LRRC8B: variants seen among roughly 807,000 people sequenced by gnomAD.
LRRC8B encodes the protein volume-regulated anion channel subunit LRRC8B.
A neutral mutation model predicts 58.8 loss-of-function variants in LRRC8B; 23 were observed. The observed-to-expected ratio is 0.39, with a 90% CI of 0.28 to 0.55. The LOEUF (loss-of-function observed/expected upper bound fraction) is 0.55. Among genes scored for constraint, LRRC8B ranks in the 20% least tolerant of loss-of-function variants. The pLI, the probability that LRRC8B is intolerant of heterozygous loss-of-function variation, is 0.62. For synonymous variants in LRRC8B, 359 were observed against 374.1 expected, an observed-to-expected ratio of 0.96 and a Z score of 0.47; for missense variants, 694 against 936.0, an observed-to-expected ratio of 0.74 and a Z score of 3.37.
intron 1 of LRRC8B, among the ~76,000 whole-genome samples, chr1:89,535,489 G>GAAGGTGACAAGCAGCGAAGAGCAAGA (rs1650461687): frequency 2.6e-5 from 4 of 152,182 alleles, no homozygotes; most frequent in Admixed American, 2.6e-4. Flanking sequence ...GCACTCCAGC[G>GAAGGTGACAAGCAGCGAAGAGCAAGA]AAGGTGACAA....
intron 1 of LRRC8B, among the ~76,000 whole-genome samples, chr1:89,556,794 A>G (rs1255330516): frequency 2.0e-5 from 3 of 152,242 alleles, no homozygotes; most frequent in Admixed American, 2.0e-4. Context: ...GTAAAAATGG[A>G]CATTTTACCT....
intron 5 of LRRC8B, among the ~76,000 whole-genome samples, chr1:89,585,282 A>G (rs544038326): frequency 1.6e-4 from 24 of 152,210 alleles, no homozygotes; most frequent in Admixed American, 4.6e-4. Context: ...ATCTGCATGC[A>G]TGTCTAGAAA....
Position 89,584,719 on chromosome 1 carries a change from A to G in LRRC8B, c.2069A>G (p.His690Arg). 6.2e-7 allele frequency: 1 copy of G among 1,613,216 alleles called. No individual in the cohort carries two copies. Among genetic ancestry groups the G allele is most frequent in the Non-Finnish European group, 8.5e-7 (1 of 1,179,778 alleles). Residue 690 changes from histidine to arginine, a missense_variant, in exon 5 of 6, where the codon CAC (histidine) becomes CGC (arginine). Coordinates refer to ENST00000330947, the MANE Select transcript of LRRC8B (RefSeq NM_001369817.2). The part of the protein sequence containing the change: ...KLHYLDLSYN[H>R]LTFIPEEIQY... ...CATTATTTGGATCTAAGCTATAACCACTTGACCTTCATTCCAGAAGAAATC... is the reference window on the plus strand; with the variant it reads ...CATTATTTGGATCTAAGCTATAACCGCTTGACCTTCATTCCAGAAGAAATC...
intron 5 of LRRC8B, among the ~76,000 whole-genome samples, chr1:89,592,063 A>G (rs1186829841): frequency 6.6e-6 from 1 of 152,126 alleles, no homozygotes; most frequent in Admixed American, 6.5e-5. Context: ...CATGCAACCT[A>G]TCTACCATAT....
chr1:89,574,906 TAAA>T (rs1368508835), intron 3 of LRRC8B, among the ~76,000 whole-genome samples: 4 of 152,216 alleles, frequency 2.6e-5, no homozygotes, highest in Non-Finnish European at 5.9e-5. Flanking sequence ...GACCCTTCGT[TAAA>T]ACGTCAAAAA....
At position 89,593,134 on chromosome 1, in the gene LRRC8B, G is replaced by A; in HGVS notation, c.*91G>A. 1.5e-6 allele frequency: 2 copies of A among 1,348,964 alleles called. No homozygotes were observed. Among genetic ancestry groups the A allele is most frequent in the Admixed American group, 3.9e-5 (2 of 51,100 alleles). The allele number at this position is 1,348,964 out of a possible 1,614,324, so 83.6% of individuals were successfully genotyped here. ...TCATGCCTATAATCCCAGCACTTTG[G>A]GAGGCCAAGATGGGCGGATTGCTTG... On this transcript the variant is annotated 3_prime_UTR_variant, in exon 6 of 6. Coordinates refer to ENST00000330947, the MANE Select transcript of LRRC8B (RefSeq NM_001369817.2).
intron 5 of LRRC8B, among the ~76,000 whole-genome samples, chr1:89,585,042 CTT>C (rs1446742475): frequency 6.6e-6 from 1 of 152,152 alleles, no homozygotes. Context: ...ATGTTTTTCT[CTT>C]TGTTTTTTTC....
intron 5 of LRRC8B, 69 bp downstream of exon 5, chr1:89,584,858 A>G (rs1371859933): frequency 1.8e-6 from 2 of 1,108,098 alleles, no homozygotes; most frequent in Admixed American, 2.3e-5. Flanking sequence ...AGGGAAAGAA[A>G]ACACACTTCA....
chr1:89,568,070 A>G (rs1364067763), intron 1 of LRRC8B, among the ~76,000 whole-genome samples, 177 bp from the exon 2 acceptor site: 1 of 152,192 alleles, frequency 6.6e-6, no homozygotes, highest in Non-Finnish European at 1.5e-5. Context: ...CTATTTAAGA[A>G]GCATAGATAC....
At chr1:89,527,233 TTA>T (rs1159417425) in intron 1 of LRRC8B, among the ~76,000 whole-genome samples, 1 of 152,234 alleles carries the variant, frequency 6.6e-6, no homozygotes, top group African/African-American at 2.4e-5. Flanking sequence ...CCTGAGTATT[TTA>T]TGTTTTCTGG....
At chr1:89,542,689 C>A (rs1273764483) in intron 1 of LRRC8B, among the ~76,000 whole-genome samples, 1 of 152,146 alleles carries the variant, frequency 6.6e-6, no homozygotes, top group Non-Finnish European at 1.5e-5. Flanking sequence ...TCTCAGTTGC[C>A]AATCTGTAGT....
chr1:89,570,650 G>A (rs953851289), intron 3 of LRRC8B, among the ~76,000 whole-genome samples: 5 of 151,848 alleles, frequency 3.3e-5, no homozygotes, highest in South Asian at 2.1e-4. Context: ...AATTTTTTTC[G>A]CATTCTGTAG....
rs1407323229 is a variant in LRRC8B at position 89,584,999 on chromosome 1, C to T, written c.2139+210C>T. Among the ~76,000 whole-genome samples the T allele has an allele frequency of 2.0e-5, 3 of 152,180 alleles. 1 individual carries two copies. Among genetic ancestry groups the T allele is most frequent in the African/African-American group, 7.2e-5 (3 of 41,454 alleles). The stretch of plus-strand genomic sequence containing the variant: ...TATGAAAAAACATAAAAGCATTTGG[C>T]ACAGTTCCTGGCACATAATAGTTGC... On this transcript the variant is annotated intron_variant, in intron 5 of 5. Coordinates refer to ENST00000330947, the MANE Select transcript of LRRC8B (RefSeq NM_001369817.2).
At chr1:89,557,119 T>C (rs1300562238) in intron 1 of LRRC8B, among the ~76,000 whole-genome samples, 1 of 152,238 alleles carries the variant, frequency 6.6e-6, no homozygotes, top group Non-Finnish European at 1.5e-5. Context: ...AAGAATTTTC[T>C]ACTGAGATGG....
At position 89,596,397 on chromosome 1, in the gene LRRC8B, G is replaced by C. The variant is rs573631871; in HGVS notation, c.*3354G>C. ...TAGAGATCCTCAGTATCTCAGTGCT[G>C]TGGCATAGCTCCAATAGGTGTGCTG... On this transcript the variant is annotated 3_prime_UTR_variant, in exon 6 of 6. Coordinates refer to ENST00000330947, the MANE Select transcript of LRRC8B (RefSeq NM_001369817.2). 4 of 152,232 alleles carry C rather than the reference G, an allele frequency of 2.6e-5. No homozygotes were observed. In the South Asian group the frequency reaches 8.3e-4, roughly 32 times the overall value. 9.4% of individuals were successfully genotyped at this position (152,232 alleles called of 1,614,324 possible).
chr1:89,526,273 A>G (rs1192046525), intron 1 of LRRC8B, among the ~76,000 whole-genome samples: 1 of 152,150 alleles, frequency 6.6e-6, no homozygotes, highest in Non-Finnish European at 1.5e-5. Flanking sequence ...GGAGTGCAGT[A>G]GTGCGATCTC....
At chr1:89,540,623 G>A (rs1650891820) in intron 1 of LRRC8B, among the ~76,000 whole-genome samples, 1 of 152,186 alleles carries the variant, frequency 6.6e-6, no homozygotes, top group Non-Finnish European at 1.5e-5. Flanking sequence ...GGGTGAGCTT[G>A]GAGATACATT....
At chr1:89,585,329 A>G (rs1229517188) in intron 5 of LRRC8B, among the ~76,000 whole-genome samples, 2 of 152,248 alleles carry the variant, frequency 1.3e-5, no homozygotes, top group Non-Finnish European at 2.9e-5. Flanking sequence ...CTATAATGCA[A>G]CACTACAGCT....
rs543584354 is a variant in LRRC8B, at chr1:89,528,338, ATTCC to A, written c.-241+3319_-241+3322del. 3.5e-3 allele frequency among the ~76,000 whole-genome samples: 531 copies of A among 152,318 alleles called. 1 individual carries two copies. Among genetic ancestry groups the A allele is most frequent in the Middle Eastern group, 6.8e-3 (2 of 294 alleles). ...CACATTCTTTATTGTTGAGTAGCAT[ATTCC>A]TTTTGATTTCTTCTCAGGTAGCAGA... On this transcript the variant is annotated intron_variant, in intron 1 of 5. Transcript: ENST00000330947.
Sources: gnomAD v4.1 joint callset for allele counts (sites outside exome capture counted in the v4.1 genomes callset) on GRCh38, gnomAD v4.1.1 for gene constraint, MANE v1.5 for transcripts, NCBI Gene and HGNC (gene_info 2026-07-23, HGNC 2026-07-21) for gene names.